DCC: variants seen among roughly 807,000 people sequenced by gnomAD.
DCC encodes netrin receptor DCC.
A neutral mutation model predicts 172.5 loss-of-function variants in DCC; 58 were observed. That is an observed-to-expected ratio of 0.34 (90% CI 0.27 to 0.42). DCC has a LOEUF of 0.42. Ranked by LOEUF, DCC falls within the 10% of genes least tolerant of loss-of-function variation. The pLI, the probability that DCC is intolerant of heterozygous loss-of-function variation, is 1.00. For missense variants in DCC, 1,740 were observed against 1,791.0 expected, an observed-to-expected ratio of 0.97 and a Z score of 0.51; for synonymous variants, 709 against 644.5, an observed-to-expected ratio of 1.10 and a Z score of -1.52.
chr18:52,620,312 G>T (rs1162281290), intron 1 of DCC, among the ~76,000 whole-genome samples: 1 of 152,208 alleles, frequency 6.6e-6, no homozygotes. Flanking sequence ...CAGGAAGGGA[G>T]CTACACTAAC....
intron 1 of DCC, among the ~76,000 whole-genome samples, chr18:52,675,729 T>C (rs2035635440): frequency 6.6e-6 from 1 of 152,236 alleles, no homozygotes; most frequent in Non-Finnish European, 1.5e-5. Flanking sequence ...GATTATATAC[T>C]CACAACTTGC....
intron 16 of DCC, among the ~76,000 whole-genome samples, chr18:53,391,396 G>A (rs1908535202): frequency 6.6e-6 from 1 of 152,120 alleles, no homozygotes; most frequent in African/African-American, 2.4e-5. Context: ...AGAAGTGACA[G>A]TCAAATTGAT....
chr18:52,690,660 A>G (rs2145010625), intron 1 of DCC, among the ~76,000 whole-genome samples: 1 of 152,258 alleles, frequency 6.6e-6, no homozygotes, highest in South Asian at 2.1e-4. Context: ...TCAGTAGGGA[A>G]TCTAAGGTTC....
At chr18:53,109,887 A>G (rs2144247314) in intron 7 of DCC, among the ~76,000 whole-genome samples, 1 of 151,444 alleles carries the variant, frequency 6.6e-6, no homozygotes, top group East Asian at 2.0e-4. Context: ...TTGTCTGTGC[A>G]TTTGTTAATT....
intron 5 of DCC, among the ~76,000 whole-genome samples, chr18:53,036,900 G>A (rs1431443639): frequency 2.6e-5 from 4 of 151,950 alleles, no homozygotes; most frequent in African/African-American, 4.8e-5. Context: ...GAATCCTTCA[G>A]CCCCTTAGAA....
chr18:52,807,635 C>T (rs1342808101), intron 2 of DCC, among the ~76,000 whole-genome samples: 1 of 152,006 alleles, frequency 6.6e-6, no homozygotes, highest in Non-Finnish European at 1.5e-5. Flanking sequence ...CATTACATAT[C>T]AGTCTGAAAT....
At chr18:52,434,822 C>T (rs910566880) in intron 1 of DCC, among the ~76,000 whole-genome samples, 1 of 152,074 alleles carries the variant, frequency 6.6e-6, no homozygotes, top group Non-Finnish European at 1.5e-5. Context: ...TCCCCACGCC[C>T]GTCCCTCTGG....
intron 27 of DCC, among the ~76,000 whole-genome samples, chr18:53,513,370 A>G (rs1476326420): frequency 6.6e-6 from 1 of 152,260 alleles, no homozygotes; most frequent in Non-Finnish European, 1.5e-5. Flanking sequence ...GCCAAAATGT[A>G]AAGACCATCA....
chr18:52,661,005 G>A, intron 1 of DCC, among the ~76,000 whole-genome samples: 1 of 152,158 alleles, frequency 6.6e-6, no homozygotes, highest in East Asian at 1.9e-4. Flanking sequence ...AACAAGACAG[G>A]AGGAAATATG....
intron 12 of DCC, among the ~76,000 whole-genome samples, chr18:53,247,904 C>T (rs988630158): frequency 7.2e-5 from 11 of 151,898 alleles, no homozygotes; most frequent in African/African-American, 2.4e-4. Flanking sequence ...CTTTAATATC[C>T]GTGTGGACAT....
chr18:53,307,889 GTGTGTATGTA>G (rs2057218399), intron 13 of DCC, among the ~76,000 whole-genome samples: 3 of 38,142 alleles, frequency 7.9e-5, no homozygotes, highest in African/African-American at 1.8e-4. Flanking sequence ...AAAGCAATGT[GTGTGTATGTA>G]TATATATATA....
intron 3 of DCC, among the ~76,000 whole-genome samples, chr18:52,909,992 C>T (rs750847800): frequency 1.6e-4 from 24 of 152,130 alleles, no homozygotes; most frequent in Non-Finnish European, 2.9e-4. Context: ...GCTTTTCAGG[C>T]GAACTGTATA....
chr18:52,529,983 A>T (rs2032099402), intron 1 of DCC, among the ~76,000 whole-genome samples: 1 of 152,206 alleles, frequency 6.6e-6, no homozygotes. Context: ...TATAAAACAA[A>T]AATCTCTACT....
intron 5 of DCC, among the ~76,000 whole-genome samples, chr18:52,949,807 A>C (rs1194143272): frequency 2.0e-5 from 3 of 152,206 alleles, no homozygotes; most frequent in Non-Finnish European, 4.4e-5. Context: ...AAAGCATTTC[A>C]TTTAAAGGTT....
intron 2 of DCC, chr18:52,817,987 C>G (rs2038334120): frequency 1.3e-5 from 2 of 152,098 alleles, no homozygotes. Flanking sequence ...ATATGAAATG[C>G]TACATGTCAT....
intron 5 of DCC, among the ~76,000 whole-genome samples, chr18:53,001,462 TTTCTC>T (rs578032206): frequency 2.0e-4 from 30 of 152,262 alleles, no homozygotes; most frequent in African/African-American, 7.2e-4. Flanking sequence ...ATCAAGACCT[TTTCTC>T]TTCTGTATCC....
At chr18:53,059,107 G>C (rs920360699) in intron 5 of DCC, among the ~76,000 whole-genome samples, 2 of 152,144 alleles carry the variant, frequency 1.3e-5, no homozygotes, top group South Asian at 4.2e-4. Flanking sequence ...GGAGCCAAAG[G>C]GGGAAAAGCC....
At chr18:52,599,032 A>G (rs2033964435) in intron 1 of DCC, among the ~76,000 whole-genome samples, 1 of 152,176 alleles carries the variant, frequency 6.6e-6, no homozygotes, top group Admixed American at 6.5e-5. Context: ...ACATCTCTCA[A>G]CACTGTTGCA....
intron 12 of DCC, among the ~76,000 whole-genome samples, chr18:53,270,506 C>T (rs10502968): frequency 9.2e-5 from 14 of 151,924 alleles, no homozygotes; most frequent in East Asian, 1.9e-4. Flanking sequence ...ATTAAAATGA[C>T]GGTTTTGGAA....
Sources: allele counts gnomAD v4.1 joint callset (sites outside exome capture counted in the v4.1 genomes callset), GRCh38; gene constraint gnomAD v4.1.1; transcripts MANE v1.5; gene names NCBI Gene and HGNC (gene_info 2026-07-23, HGNC 2026-07-21).